The following TSC22D1 variants were observed in gnomAD, a reference collection of about 807,000 sequenced individuals.
The protein encoded by TSC22D1 is TSC22 domain family member 1, also known as TSC22 domain family protein 1.
A neutral mutation model predicts 74.2 loss-of-function variants in TSC22D1; 9 were observed. The ratio of observed to expected loss-of-function variants is 0.12; its 90% confidence interval spans 0.07 to 0.21. The LOEUF (loss-of-function observed/expected upper bound fraction) is 0.21, where lower values mean the gene tolerates loss of function less well. Ranked by LOEUF, TSC22D1 falls within the 10% of genes least tolerant of loss-of-function variation. TSC22D1 has a pLI of 1.00. For synonymous variants in TSC22D1, 586 were observed against 492.5 expected (o/e 1.19, Z -2.51); for missense variants, 1,427 against 1,304.7 (o/e 1.09, Z -1.44).
Position 44,450,995 on chromosome 13 carries a change from T to C in TSC22D1, c.2913-14900A>G, listed in dbSNP as rs114308911. Among the ~76,000 whole-genome samples, 694 of 152,214 alleles carry C rather than the reference T, an allele frequency of 4.6e-3. 4 individuals are homozygous for C. Among genetic ancestry groups the C allele is most frequent in the African/African-American group, 0.016 (660 of 41,524 alleles). On this transcript the variant is annotated intron_variant, in intron 1 of 2. Coordinates refer to ENST00000458659, the MANE Select transcript of TSC22D1 (RefSeq NM_183422.4). Reference sequence around the variant, plus strand: ...CAGAAGGTGGCTAGGCTTGAGGCACTTGCAAGAACCTTGAATGGGAGAGTA... The same window carrying C: ...CAGAAGGTGGCTAGGCTTGAGGCACCTGCAAGAACCTTGAATGGGAGAGTA...
chr13:44,468,483 A>G (rs1270582189), intron 1 of TSC22D1, among the ~76,000 whole-genome samples: 1 of 149,938 alleles, frequency 6.7e-6, no homozygotes. Flanking sequence ...TAACAACCCT[A>G]ACAGTCACCT....
chr13:44,567,256 A>G (rs1566179818), intron 1 of TSC22D1, among the ~76,000 whole-genome samples: 1 of 152,226 alleles, frequency 6.6e-6, no homozygotes, highest in Non-Finnish European at 1.5e-5. Flanking sequence ...ATAGGGATCT[A>G]ACCAGCTAGG....
chr13:44,556,607 T>G (rs1882657198), intron 1 of TSC22D1, among the ~76,000 whole-genome samples: 1 of 151,732 alleles, frequency 6.6e-6, no homozygotes, highest in Non-Finnish European at 1.5e-5. Context: ...GGCTCATGCC[T>G]GTAATCCCAG....
chr13:44,474,247 G>T, intron 1 of TSC22D1: 1 of 985,396 alleles, frequency 1.0e-6, no homozygotes, highest in Non-Finnish European at 1.2e-6. Flanking sequence ...TATAGGAAAA[G>T]CTTCACGCTA....
chr13:44,444,986 T>G (rs1875519478), intron 1 of TSC22D1, among the ~76,000 whole-genome samples: 1 of 152,068 alleles, frequency 6.6e-6, no homozygotes, highest in Non-Finnish European at 1.5e-5. Flanking sequence ...ACTAAATATT[T>G]AAAGAAAGAA....
intron 1 of TSC22D1, among the ~76,000 whole-genome samples, chr13:44,498,544 T>A (rs1428406614): frequency 6.6e-6 from 1 of 152,182 alleles, no homozygotes; most frequent in Non-Finnish European, 1.5e-5. Context: ...CACTGTAGTA[T>A]AACTGGCTTA....
chr13:44,435,035 A>C (rs920366462), intron 2 of TSC22D1, 152 bp from the exon 3 acceptor site: 1 of 677,756 alleles, frequency 1.5e-6, no homozygotes, highest in African/African-American at 1.8e-5. Flanking sequence ...ATCTGAATAC[A>C]AACATGACTG....
Position 44,436,794 on chromosome 13 carries a change from G to A in TSC22D1, c.2913-699C>T, listed in dbSNP as rs1874690445. ...TAGGGCTTGATGATCCCAGGCAGAT[G>A]CGGATCCCAGTGCCGTGAAGAGGCG... On this transcript the variant is annotated intron_variant, in intron 1 of 2. Coordinates refer to ENST00000458659, the MANE Select transcript of TSC22D1 (RefSeq NM_183422.4). 13 of 1,433,948 alleles carry A rather than the reference G, an allele frequency of 9.1e-6. No individual in the cohort carries two copies. The South Asian group carries it at 2.0e-4, about 22-fold the overall frequency. The allele number at this position is 1,433,948 out of a possible 1,614,324, so 88.8% of individuals were successfully genotyped here. A position where few individuals can be genotyped will look rare whatever the true frequency, so the allele number is the denominator to read the frequency against.
chr13:44,556,407 G>A (rs1008737633), intron 1 of TSC22D1, among the ~76,000 whole-genome samples: 4 of 151,848 alleles, frequency 2.6e-5, no homozygotes, highest in South Asian at 4.2e-4. Flanking sequence ...TTAGCTGGGC[G>A]CAGTGGTGCA....
At chr13:44,464,183 C>G (rs978673820) in intron 1 of TSC22D1, among the ~76,000 whole-genome samples, 1 of 152,050 alleles carries the variant, frequency 6.6e-6, no homozygotes, top group African/African-American at 2.4e-5. Context: ...GCAATAGAGA[C>G]CTAATAAAAG....
intron 1 of TSC22D1, among the ~76,000 whole-genome samples, chr13:44,459,649 G>T (rs889018453): frequency 1.3e-5 from 2 of 152,192 alleles, no homozygotes; most frequent in African/African-American, 4.8e-5. Context: ...AGACCTAGGG[G>T]CTCCCCAACC....
At chr13:44,500,700 T>A (rs1879185584) in intron 1 of TSC22D1, among the ~76,000 whole-genome samples, 1 of 152,162 alleles carries the variant, frequency 6.6e-6, no homozygotes. Flanking sequence ...TCGTTTTTGT[T>A]TAGAGACAGG....
At chr13:44,501,457 A>C (rs1169913308) in intron 1 of TSC22D1, among the ~76,000 whole-genome samples, 1 of 152,184 alleles carries the variant, frequency 6.6e-6, no homozygotes, top group Non-Finnish European at 1.5e-5. Context: ...TAAATACTGA[A>C]TAAAGCATCA....
chr13:44,532,070 CAATTT>C (rs768756337), intron 1 of TSC22D1, among the ~76,000 whole-genome samples: 151 of 152,276 alleles, frequency 9.9e-4, no homozygotes, highest in Non-Finnish European at 1.5e-3. Flanking sequence ...TATGTTTACA[CAATTT>C]AATATACAAT....
intron 1 of TSC22D1, among the ~76,000 whole-genome samples, chr13:44,491,804 A>T (rs1878739718): frequency 6.6e-6 from 1 of 152,230 alleles, no homozygotes; most frequent in Non-Finnish European, 1.5e-5. Context: ...TAGGAAAACA[A>T]TAATCAGTGG....
At chr13:44,515,261 A>T (rs1231151983) in intron 1 of TSC22D1, among the ~76,000 whole-genome samples, 1 of 152,208 alleles carries the variant, frequency 6.6e-6, no homozygotes, top group African/African-American at 2.4e-5. Flanking sequence ...GAGATTGGTT[A>T]AGTAAAATGT....
At chr13:44,530,592 T>C (rs969507720) in intron 1 of TSC22D1, among the ~76,000 whole-genome samples, 5 of 151,944 alleles carry the variant, frequency 3.3e-5, no homozygotes, top group East Asian at 3.9e-4. Context: ...AAGCCACAGA[T>C]TGGGATAAAA....
At chr13:44,541,399 A>G (rs1406465472) in intron 1 of TSC22D1, among the ~76,000 whole-genome samples, 2 of 152,206 alleles carry the variant, frequency 1.3e-5, no homozygotes, top group African/African-American at 2.4e-5. Flanking sequence ...GCCTAAGTAA[A>G]GAAAACCTAT....
At chr13:44,436,569 A>G in intron 1 of TSC22D1, 2 of 1,614,236 alleles carry the variant, frequency 1.2e-6, no homozygotes, top group Non-Finnish European at 1.7e-6. Context: ...AAATTGAAAA[A>G]TGTCTCAGTT....
Sources: allele counts gnomAD v4.1 joint callset (sites outside exome capture counted in the v4.1 genomes callset), GRCh38; gene constraint gnomAD v4.1.1; transcripts MANE v1.5; gene names NCBI Gene and HGNC (gene_info 2026-07-23, HGNC 2026-07-21).